The following SAMD7 variants were observed in gnomAD, a reference collection of about 807,000 sequenced individuals.
The protein encoded by SAMD7 is sterile alpha motif domain containing 7, also known as sterile alpha motif domain-containing protein 7.
A neutral mutation model predicts 36.7 loss-of-function variants in SAMD7; 34 were observed. The ratio of observed to expected loss-of-function variants is 0.93; its 90% confidence interval spans 0.71 to 1.23. The LOEUF is 1.23. Ranked by LOEUF, SAMD7 falls within the 50% of genes most tolerant of loss-of-function variation. The pLI is 0.00. For missense variants in SAMD7, 570 were observed against 546.6 expected (o/e 1.04, Z -0.43); for synonymous variants, 188 against 189.7 (o/e 0.99, Z 0.07).
At chr3:169,925,897 TAC>T (rs1489227981) in intron 5 of SAMD7, among the ~76,000 whole-genome samples, 2 of 152,306 alleles carry the variant, frequency 1.3e-5, no homozygotes, top group African/African-American at 4.8e-5. Flanking sequence ...CAAGTTTGCC[TAC>T]CTGACTTCAG....
intron 7 of SAMD7, among the ~76,000 whole-genome samples, chr3:169,933,841 G>C (rs1312619834): frequency 6.6e-6 from 1 of 152,206 alleles, no homozygotes. Context: ...ATACGAGCAC[G>C]TTGTGAAAGG....
chr3:169,934,556 C>T (rs1317458699), intron 7 of SAMD7, among the ~76,000 whole-genome samples: 1 of 152,194 alleles, frequency 6.6e-6, no homozygotes, highest in African/African-American at 2.4e-5. Flanking sequence ...CACACCATCC[C>T]TCTGCCGTCC....
At chr3:169,912,529 T>C (rs1712643874) in intron 1 of SAMD7, among the ~76,000 whole-genome samples, 1 of 152,194 alleles carries the variant, frequency 6.6e-6, no homozygotes, top group Non-Finnish European at 1.5e-5. Flanking sequence ...TGCACATAAA[T>C]TATATTGAGT....
chr3:169,922,278 G>T (rs1358005849), intron 4 of SAMD7, among the ~76,000 whole-genome samples: 5 of 152,184 alleles, frequency 3.3e-5, no homozygotes, highest in Non-Finnish European at 7.3e-5. Context: ...TATGGAGAGA[G>T]TGCAGATAGA....
intron 8 of SAMD7, among the ~76,000 whole-genome samples, chr3:169,938,067 C>A (rs189464687): frequency 5.9e-5 from 9 of 152,334 alleles, no homozygotes; most frequent in African/African-American, 2.2e-4. Context: ...TTTTCTCCCC[C>A]TCAGTAATTC....
At chr3:169,935,789 C>A (rs1041514989) in intron 7 of SAMD7, among the ~76,000 whole-genome samples, 1 of 152,178 alleles carries the variant, frequency 6.6e-6, no homozygotes, top group Non-Finnish European at 1.5e-5. Context: ...GGAAGGCACG[C>A]CACGTCCACT....
Position 169,919,527 on chromosome 3 carries a change from C to A in SAMD7, c.29C>A (p.Thr10Lys). MAVNPLLTP[T>K]GQQTIPLIPS... is the part of the protein sequence containing the mutation. ...GCTGTGAACCCTTTATTGACACCAA[C>A]AGGGCAGCAGACAATCCCACTGATC... The change falls in exon 3 of 9, where the codon ACA becomes AAA. Residue 10 changes from threonine (T) to lysine (K), a missense_variant. Coordinates refer to ENST00000335556, the MANE Select transcript of SAMD7 (RefSeq NM_001304366.2). 1 of 1,614,184 alleles carries A rather than the reference C, an allele frequency of 6.2e-7. No homozygotes were observed. Among genetic ancestry groups the A allele is most frequent in the Non-Finnish European group, 8.5e-7 (1 of 1,180,014 alleles).
Position 169,935,720 on chromosome 3 carries a change from T to C in SAMD7, c.1042-619T>C, listed in dbSNP as rs192257367. 1.1e-3 allele frequency among the ~76,000 whole-genome samples: 175 copies of C among 152,330 alleles called. 2 individuals are homozygous for C. The highest frequency in any genetic ancestry group is 0.01 in the Admixed American group (158 of 15,302). ...GTCCTATCAATCTGCCTAGATTTTG[T>C]ATCCCTCTATCTGCCTGGAATCTTT... On this transcript the variant is annotated intron_variant, in intron 7 of 8. Transcript: ENST00000335556.
intron 2 of SAMD7, among the ~76,000 whole-genome samples, chr3:169,917,440 T>G (rs1712852748): frequency 6.6e-6 from 1 of 152,030 alleles, no homozygotes; most frequent in Non-Finnish European, 1.5e-5. Flanking sequence ...TTATTTTTAA[T>G]TTTTAATTTT....
At chr3:169,931,489 C>G (rs987324336) in intron 7 of SAMD7, among the ~76,000 whole-genome samples, 26 of 151,966 alleles carry the variant, frequency 1.7e-4, no homozygotes, top group Non-Finnish European at 2.9e-5. Context: ...CCACACCCAG[C>G]TAATTTTTTT....
chr3:169,932,914 T>C, intron 7 of SAMD7: 1 of 645,700 alleles, frequency 1.5e-6, no homozygotes, highest in South Asian at 1.6e-5. Context: ...AGGGCGCCAG[T>C]ATGCTCATCC....
At chr3:169,938,055 AC>A in intron 8 of SAMD7, among the ~76,000 whole-genome samples, 1 of 152,276 alleles carries the variant, frequency 6.6e-6, no homozygotes, top group African/African-American at 2.4e-5. Flanking sequence ...CTCACCATCT[AC>A]TTTTCTCCCC....
rs377758199 is a variant in SAMD7 at position 169,936,400 on chromosome 3, G to A, written c.1103G>A (p.Arg368Gln). Residue 368 changes from arginine to glutamine, a missense_variant, in exon 8 of 9, where the codon CGA (arginine) becomes CAA (glutamine). By Grantham distance (43) the Arg-to-Gln change is conservative. Coordinates refer to ENST00000335556, the MANE Select transcript of SAMD7 (RefSeq NM_001304366.2). Reference sequence around the variant, plus strand: ...CCATTACTCACAGAAGAGCATCTTCGAGGCACTATGGGATTAAAGCTAGGG... The same window carrying A: ...CCATTACTCACAGAAGAGCATCTTCAAGGCACTATGGGATTAAAGCTAGGG... ...TLPLLTEEHL[R>Q]GTMGLKLGPA... The A allele has an allele frequency of 2.9e-5, 46 of 1,613,556 alleles. No individual in the cohort carries two copies. The highest frequency in any genetic ancestry group is 6.7e-5 in the African/African-American group (5 of 74,878).
chr3:169,934,145 G>A (rs373175943), intron 7 of SAMD7, among the ~76,000 whole-genome samples: 3 of 152,202 alleles, frequency 2.0e-5, no homozygotes, highest in Admixed American at 6.5e-5. Flanking sequence ...GTGAAGGATT[G>A]TGGCTTTATC....
At chr3:169,937,505 G>A (rs1044402406) in intron 8 of SAMD7, among the ~76,000 whole-genome samples, 2 of 151,832 alleles carry the variant, frequency 1.3e-5, no homozygotes, top group East Asian at 1.9e-4. Flanking sequence ...GAGAACATGC[G>A]GTGTTTGGTT....
chr3:169,938,439 T>C lies in SAMD7; in HGVS notation c.1274T>C (p.Met425Thr), dbSNP rs1031075112. ...LLDPNSWSDTMNIFCPQDTII... is the reference protein window; with the variant it reads ...LLDPNSWSDTTNIFCPQDTII... ...GATCCTAATTCCTGGAGTGATACAA[T>C]GAACATTTTTTGTCCCCAGGATACA... is the stretch of plus-strand genomic sequence containing the variant. The change falls in exon 9 of 9, where the codon ATG becomes ACG. Residue 425 changes from methionine (M) to threonine (T), a missense_variant. Physicochemically the swap from Met to Thr is moderately conservative, Grantham distance 81. Transcript: ENST00000335556. The C allele has an allele frequency of 6.2e-7, 1 of 1,613,280 alleles. No individual in the cohort carries two copies. The highest frequency in any genetic ancestry group is 1.3e-5 in the African/African-American group (1 of 75,042).
At chr3:169,933,313 GGA>G in intron 7 of SAMD7, 1 of 372,764 alleles carries the variant, frequency 2.7e-6, no homozygotes, top group South Asian at 3.4e-5. Flanking sequence ...GGTATGAAAT[GGA>G]TTGGAAATGG....
intron 8 of SAMD7, among the ~76,000 whole-genome samples, chr3:169,938,111 C>A (rs1713787219): frequency 6.6e-6 from 1 of 152,142 alleles, no homozygotes; most frequent in African/African-American, 2.4e-5. Context: ...TTAGAGCCAC[C>A]TTGATACCCT....
At chr3:169,935,797 A>G (rs957968058) in intron 7 of SAMD7, among the ~76,000 whole-genome samples, 3 of 152,202 alleles carry the variant, frequency 2.0e-5, no homozygotes, top group Non-Finnish European at 4.4e-5. Context: ...CGCCACGTCC[A>G]CTACAGTTTC....
Sources: gnomAD v4.1 joint callset for allele counts (sites outside exome capture counted in the v4.1 genomes callset) on GRCh38, gnomAD v4.1.1 for gene constraint, MANE v1.5 for transcripts, NCBI Gene and HGNC (gene_info 2026-07-23, HGNC 2026-07-21) for gene names.